The following TIAM1 variants were observed in gnomAD, a reference collection of about 807,000 sequenced individuals.
TIAM1 encodes rho guanine nucleotide exchange factor TIAM1.
A neutral mutation model predicts 163.5 loss-of-function variants in TIAM1; 65 were observed. That is an observed-to-expected ratio of 0.40 (90% CI 0.33 to 0.49). The LOEUF is 0.49. Among genes scored for constraint, TIAM1 ranks in the 20% least tolerant of loss-of-function variants. The pLI, the probability that TIAM1 is intolerant of heterozygous loss-of-function variation, is 0.77. For synonymous variants in TIAM1, 833 were observed against 810.1 expected, an observed-to-expected ratio of 1.03 and a Z score of -0.48; for missense variants, 1,789 against 2,044.7, an observed-to-expected ratio of 0.87 and a Z score of 2.41.
intron 1 of TIAM1, among the ~76,000 whole-genome samples, chr21:31,341,797 C>CT (rs2147097740): frequency 6.6e-6 from 1 of 152,260 alleles, no homozygotes; most frequent in African/African-American, 2.4e-5. Flanking sequence ...TGTTTAAGGC[C>CT]TTTTTCGACA....
At chr21:31,279,236 T>C (rs2073437203) in intron 2 of TIAM1, among the ~76,000 whole-genome samples, 2 of 152,194 alleles carry the variant, frequency 1.3e-5, no homozygotes. Context: ...TTTCTGACTT[T>C]CGTGGGGAAA....
At chr21:31,271,529 G>A (rs928165158) in intron 3 of TIAM1, among the ~76,000 whole-genome samples, 2 of 152,162 alleles carry the variant, frequency 1.3e-5, no homozygotes, top group Admixed American at 6.5e-5. Context: ...GGGTGAGGGT[G>A]TTCAGCTTGT....
At chr21:31,462,502 T>C (rs2045364279) in intron 2 of TIAM1, among the ~76,000 whole-genome samples, 1 of 152,168 alleles carries the variant, frequency 6.6e-6, no homozygotes. Flanking sequence ...ATTAGGTTGG[T>C]GCAAAAGTAA....
Position 31,136,179 on chromosome 21 carries a change from G to T in TIAM1, c.3775-138C>A. The T allele has an allele frequency of 4.3e-6, 3 of 704,916 alleles. No individual in the cohort carries two copies. In the South Asian group the frequency reaches 6.1e-5, roughly 14 times the overall value. 43.7% of individuals were successfully genotyped at this position (704,916 alleles called of 1,614,324 possible). ...CTCCTAAAAACATTTGCTTAAATAT[G>T]TGAGATAATGCTAAGTTAAACTGCT... is the stretch of plus-strand genomic sequence containing the variant. On this transcript the variant is annotated intron_variant, in intron 22 of 27. Transcript: ENST00000541036.
chr21:31,482,238 A>G (rs2046137006), intron 1 of TIAM1, among the ~76,000 whole-genome samples: 1 of 151,696 alleles, frequency 6.6e-6, no homozygotes, highest in African/African-American at 2.4e-5. Flanking sequence ...TGCAACCTCC[A>G]TCTCCCAGGT....
intron 2 of TIAM1, among the ~76,000 whole-genome samples, chr21:31,299,032 T>C (rs1284155850): frequency 6.6e-6 from 1 of 152,110 alleles, no homozygotes; most frequent in African/African-American, 2.4e-5. Flanking sequence ...TGGAGTTTAA[T>C]ATACCTCATT....
chr21:31,134,381 A>G (rs1036976801), intron 23 of TIAM1, among the ~76,000 whole-genome samples: 2 of 152,194 alleles, frequency 1.3e-5, no homozygotes, highest in African/African-American at 4.8e-5. Flanking sequence ...TGATGTTGAA[A>G]AGAAAGCAAA....
intron 2 of TIAM1, among the ~76,000 whole-genome samples, chr21:31,350,908 C>T (rs2076223607): frequency 6.6e-6 from 1 of 152,214 alleles, no homozygotes; most frequent in Non-Finnish European, 1.5e-5. Flanking sequence ...TAACACATGA[C>T]ACCTTACAGA....
chr21:31,374,343 C>T (rs932206886), intron 2 of TIAM1, among the ~76,000 whole-genome samples: 1 of 152,206 alleles, frequency 6.6e-6, no homozygotes. Context: ...AAGTTTCCTT[C>T]CTGTAGCTTT....
intron 2 of TIAM1, among the ~76,000 whole-genome samples, chr21:31,458,761 G>C (rs75062582): frequency 0.018 from 2,665 of 152,214 alleles, 73 homozygotes; most frequent in African/African-American, 0.059. Flanking sequence ...GGGAGGGGAG[G>C]GAGGGGTCTG....
intron 19 of TIAM1, among the ~76,000 whole-genome samples, chr21:31,151,678 G>A (rs906597390): frequency 1.3e-5 from 2 of 152,214 alleles, no homozygotes; most frequent in Admixed American, 1.3e-4. Context: ...GTGTGTGTGT[G>A]AATTCATCAA....
In TIAM1 at chr21:31,137,641, C is replaced by T. The variant is rs571344475; in HGVS notation, c.3775-1600G>A. Reference sequence around the variant, plus strand: ...AGAATTACATTATCTGCACCTTCTGCCATGTGATTTTCCAGCACCTCCCAC... The same window carrying T: ...AGAATTACATTATCTGCACCTTCTGTCATGTGATTTTCCAGCACCTCCCAC... On this transcript the variant is annotated intron_variant, in intron 22 of 27. Transcript: ENST00000541036. Among the ~76,000 whole-genome samples, 4 of 151,898 alleles carry T rather than the reference C, an allele frequency of 2.6e-5. No homozygotes were observed. In the South Asian group the frequency reaches 8.3e-4, roughly 32 times the overall value.
chr21:31,494,807 A>C (rs750921800), intron 1 of TIAM1, among the ~76,000 whole-genome samples: 3 of 152,038 alleles, frequency 2.0e-5, no homozygotes, highest in Non-Finnish European at 2.9e-5. Context: ...CGCACCACTG[A>C]ACTCCAGCCT....
intron 16 of TIAM1, among the ~76,000 whole-genome samples, chr21:31,160,016 A>G (rs191716361): frequency 4.6e-5 from 7 of 152,274 alleles, no homozygotes; most frequent in Admixed American, 1.3e-4. Flanking sequence ...TGAACATCCT[A>G]TTTCCAGACC....
At chr21:31,545,354 A>G (rs1379758686) in intron 1 of TIAM1, among the ~76,000 whole-genome samples, 1 of 152,244 alleles carries the variant, frequency 6.6e-6, no homozygotes, top group Non-Finnish European at 1.5e-5. Flanking sequence ...CCTTGATTAC[A>G]GACTTCTAGC....
intron 2 of TIAM1, among the ~76,000 whole-genome samples, chr21:31,454,095 G>C (rs572296642): frequency 1.3e-5 from 2 of 152,240 alleles, no homozygotes; most frequent in East Asian, 3.9e-4. Context: ...CTTTTATCCA[G>C]ACCATTTATC....
chr21:31,454,481 C>T (rs1306921028), intron 2 of TIAM1, among the ~76,000 whole-genome samples: 3 of 152,120 alleles, frequency 2.0e-5, no homozygotes, highest in Non-Finnish European at 2.9e-5. Flanking sequence ...CGGGCCAGAG[C>T]AAGGTAGGCG....
At chr21:31,520,652 C>T (rs552317682) in intron 1 of TIAM1, among the ~76,000 whole-genome samples, 8 of 152,304 alleles carry the variant, frequency 5.3e-5, no homozygotes, top group East Asian at 1.9e-4. Context: ...GATCGCAAAG[C>T]GAAAATCCAA....
chr21:31,442,070 A>AAAAAAAAAAAT (rs1555982215), intron 2 of TIAM1, among the ~76,000 whole-genome samples: 4 of 53,230 alleles, frequency 7.5e-5, no homozygotes, highest in African/African-American at 2.7e-4. Context: ...CAAATAAATA[A>AAAAAAAAAAAT]ATATATATAT....
Sources: allele counts gnomAD v4.1 joint callset (sites outside exome capture counted in the v4.1 genomes callset), GRCh38; gene constraint gnomAD v4.1.1; transcripts MANE v1.5; gene names NCBI Gene and HGNC (gene_info 2026-07-23, HGNC 2026-07-21).